PHKB: variants seen among roughly 807,000 people sequenced by gnomAD.
PHKB encodes the protein phosphorylase b kinase regulatory subunit beta.
PHKB carries 122 observed loss-of-function variants against 152.1 expected under a neutral mutation model. The observed-to-expected ratio is 0.80, with a 90% CI of 0.69 to 0.93. The LOEUF (loss-of-function observed/expected upper bound fraction) is 0.93. Ranked by LOEUF, PHKB falls within the 40% of genes least tolerant of loss-of-function variation. The probability of loss-of-function intolerance (pLI) is 0.00; values close to 1 mark genes in which losing one functional copy is unlikely to be tolerated. For missense variants in PHKB, 1,304 were observed against 1,328.4 expected, an observed-to-expected ratio of 0.98 and a Z score of 0.29; for synonymous variants, 436 against 464.9, an observed-to-expected ratio of 0.94 and a Z score of 0.80.
chr16:47,497,246 C>A (rs1392721963), intron 1 of PHKB, among the ~76,000 whole-genome samples, 153 bp from the exon 2 acceptor site: 1 of 152,084 alleles, frequency 6.6e-6, no homozygotes, highest in African/African-American at 2.4e-5. Context: ...CTCTTGTTCC[C>A]CCAGCAAGAA....
At chr16:47,576,404 T>G (rs970711385) in intron 7 of PHKB, among the ~76,000 whole-genome samples, 2 of 152,236 alleles carry the variant, frequency 1.3e-5, no homozygotes, top group Non-Finnish European at 2.9e-5. Context: ...GAGTAAACCC[T>G]ACTTAGTCAT....
At chr16:47,545,581 T>A (rs1251954994) in intron 6 of PHKB, among the ~76,000 whole-genome samples, 1 of 152,208 alleles carries the variant, frequency 6.6e-6, no homozygotes, top group Non-Finnish European at 1.5e-5. Flanking sequence ...TTGAGGTTGC[T>A]CTTTTCGAGG....
chr16:47,516,191 G>A (rs1970594061), intron 6 of PHKB, among the ~76,000 whole-genome samples: 1 of 152,146 alleles, frequency 6.6e-6, no homozygotes, highest in African/African-American at 2.4e-5. Context: ...CTCCCAAAGT[G>A]CTGGGATTAC....
intron 7 of PHKB, chr16:47,566,293 G>A (rs1398987743): frequency 1.2e-5 from 12 of 1,004,184 alleles, no homozygotes; most frequent in South Asian, 2.6e-5. Context: ...GTGGCAGGAC[G>A]AGCCCTTCAG....
intron 6 of PHKB, among the ~76,000 whole-genome samples, chr16:47,534,962 A>T (rs1970925735): frequency 6.6e-6 from 1 of 152,232 alleles, no homozygotes; most frequent in Admixed American, 6.5e-5. Flanking sequence ...CTAAGGAGAA[A>T]TGACAGTGAA....
chr16:47,481,334 A>G (rs1969960886), intron 1 of PHKB, among the ~76,000 whole-genome samples: 1 of 152,198 alleles, frequency 6.6e-6, no homozygotes, highest in South Asian at 2.1e-4. Context: ...CATCTGACAT[A>G]ATTAATGCTC....
intron 26 of PHKB, among the ~76,000 whole-genome samples, chr16:47,682,666 A>C (rs1018188448): frequency 2.0e-5 from 3 of 152,144 alleles, no homozygotes; most frequent in Non-Finnish European, 4.4e-5. Context: ...CCATTCGTCT[A>C]ATCTTTTTTC....
chr16:47,591,892 C>G (rs144299582), intron 10 of PHKB, among the ~76,000 whole-genome samples: 1 of 152,270 alleles, frequency 6.6e-6, no homozygotes, highest in African/African-American at 2.4e-5. Context: ...CCTAAAAATC[C>G]TAAAATTCTG....
At position 47,588,910 on chromosome 16, in the gene PHKB, A is replaced by G. The variant is rs1971980628; in HGVS notation, c.876A>G (p.Thr292=). The stretch of plus-strand genomic sequence containing the variant: ...CTCTTTCTCATTGCCTCCAGAATAC[A>G]GATGCTGCCCTGCTCCCCTGCATCA... ...LLPRESRSHN[T]DAALLPCISY... The change falls in exon 10 of 31, where the codon ACA becomes ACG. Residue 292 remains threonine, a synonymous_variant. Coordinates refer to ENST00000323584, the MANE Select transcript of PHKB (RefSeq NM_000293.3). The G allele has an allele frequency of 6.2e-7, 1 of 1,613,400 alleles. No homozygotes were observed. The highest frequency in any genetic ancestry group is 1.3e-5 in the African/African-American group (1 of 74,918).
intron 8 of PHKB, among the ~76,000 whole-genome samples, chr16:47,586,052 G>T (rs542841766): frequency 1.1e-3 from 162 of 152,112 alleles, no homozygotes; most frequent in African/African-American, 3.6e-3. Flanking sequence ...TACCCTACTT[G>T]CTCCCATTTC....
chr16:47,584,309 A>G (rs1205386478), intron 8 of PHKB, among the ~76,000 whole-genome samples: 2 of 152,126 alleles, frequency 1.3e-5, no homozygotes, highest in East Asian at 3.8e-4. Context: ...TATTTAAATA[A>G]TGTTTGATAA....
At chr16:47,689,271 A>C in intron 27 of PHKB, 96 bp downstream of exon 27, 13 of 1,290,462 alleles carry the variant, frequency 1.0e-5, no homozygotes, top group Non-Finnish European at 1.4e-5. Context: ...TAAGATATTA[A>C]TAAGTAAAAT....
At chr16:47,682,020 A>C (rs1293169820) in intron 26 of PHKB, among the ~76,000 whole-genome samples, 1 of 152,136 alleles carries the variant, frequency 6.6e-6, no homozygotes, top group East Asian at 1.9e-4. Context: ...TCCTTCACTT[A>C]TGAAGCTTAG....
In PHKB at chr16:47,614,426, C is replaced by T. The variant is rs1031866668; in HGVS notation, c.1458+3506C>T. ...TGGTATGGTGGTACCTTTGTTTAACCATTCACACATTGAAGAATATCCTAC... is the reference window on the plus strand; with the variant it reads ...TGGTATGGTGGTACCTTTGTTTAACTATTCACACATTGAAGAATATCCTAC... On this transcript the variant is annotated intron_variant, in intron 14 of 30. Coordinates refer to ENST00000323584, the MANE Select transcript of PHKB (RefSeq NM_000293.3). Among the ~76,000 whole-genome samples the T allele has an allele frequency of 4.6e-5, 7 of 152,140 alleles. 1 individual carries two copies. Among genetic ancestry groups the T allele is most frequent in the Admixed American group, 3.9e-4 (6 of 15,274 alleles).
chr16:47,606,079 T>C (rs1200992692), intron 13 of PHKB, among the ~76,000 whole-genome samples: 1 of 152,248 alleles, frequency 6.6e-6, no homozygotes, highest in East Asian at 1.9e-4. Context: ...TGTGTAGGTA[T>C]TGCTGCTGCT....
chr16:47,517,467 G>A (rs1414929321), intron 6 of PHKB, among the ~76,000 whole-genome samples: 1 of 151,882 alleles, frequency 6.6e-6, no homozygotes, highest in Admixed American at 6.6e-5. Context: ...ATGTTGCCCA[G>A]GCTGTTCTCG....
In PHKB at chr16:47,700,943, A is replaced by G. The variant is rs1472766961; in HGVS notation, c.*1577A>G. On this transcript the variant is annotated 3_prime_UTR_variant, in exon 31 of 31. Transcript: ENST00000323584. ...GCCGAGATCTTGCATAAGAAATTGT[A>G]TGGATATTAGTTGGCAAAATTGAAA... 1.3e-5 allele frequency: 2 copies of G among 152,230 alleles called. No homozygotes were observed. The highest frequency in any genetic ancestry group is 2.9e-5 in the Non-Finnish European group (2 of 68,044). The allele number at this position is 152,230 out of a possible 1,614,324, so 9.4% of individuals were successfully genotyped here.
At chr16:47,482,823 C>A (rs527261356) in intron 1 of PHKB, among the ~76,000 whole-genome samples, 10 of 151,940 alleles carry the variant, frequency 6.6e-5, no homozygotes, top group Non-Finnish European at 1.5e-4. Context: ...TGGGCTCAAG[C>A]GATTCTCCCA....
In PHKB at chr16:47,505,948, C is replaced by G. The variant is rs540771690; in HGVS notation, c.405+2858C>G. Among the ~76,000 whole-genome samples, 3 of 148,896 alleles carry G rather than the reference C, an allele frequency of 2.0e-5. No homozygotes were observed. The South Asian group carries it at 6.3e-4, about 31-fold the overall frequency. Reference sequence around the variant, plus strand: ...CTCAGGAAGCTGAGGCACAAAATCACTTGAACCTGGGAGGGAGAGGTTGCA... The same window carrying G: ...CTCAGGAAGCTGAGGCACAAAATCAGTTGAACCTGGGAGGGAGAGGTTGCA... On this transcript the variant is annotated intron_variant, in intron 4 of 30. Coordinates refer to ENST00000323584, the MANE Select transcript of PHKB (RefSeq NM_000293.3).
Sources: allele counts gnomAD v4.1 joint callset (sites outside exome capture counted in the v4.1 genomes callset), GRCh38; gene constraint gnomAD v4.1.1; transcripts MANE v1.5; gene names NCBI Gene and HGNC (gene_info 2026-07-23, HGNC 2026-07-21).